The following CNTN4 variants were observed in gnomAD, a reference collection of about 807,000 sequenced individuals.
The protein encoded by CNTN4 is contactin 4.
CNTN4 carries 77 observed loss-of-function variants against 122.5 expected under a neutral mutation model. The observed-to-expected ratio is 0.63, with a 90% CI of 0.52 to 0.76. CNTN4 has a LOEUF of 0.76. CNTN4 is among the 30% of genes least tolerant of loss of function. The pLI, the probability that CNTN4 is intolerant of heterozygous loss-of-function variation, is 0.00. For missense variants in CNTN4, 1,256 were observed against 1,259.1 expected (o/e 1.00, Z 0.04); for synonymous variants, 512 against 447.0 (o/e 1.15, Z -1.83).
At chr3:2,879,843 T>G (rs1231592103) in intron 8 of CNTN4, among the ~76,000 whole-genome samples, 1 of 152,198 alleles carries the variant, frequency 6.6e-6, no homozygotes, top group African/African-American at 2.4e-5. Flanking sequence ...CTTTTTAGTA[T>G]GTAAATTATA....
chr3:2,166,936 A>G (rs1383179755), intron 2 of CNTN4, among the ~76,000 whole-genome samples: 1 of 152,214 alleles, frequency 6.6e-6, no homozygotes, highest in Admixed American at 6.5e-5. Context: ...AAAATTTGGA[A>G]GAAAGAAACG....
At chr3:2,139,956 GC>G (rs1317466492) in intron 2 of CNTN4, among the ~76,000 whole-genome samples, 1 of 152,216 alleles carries the variant, frequency 6.6e-6, no homozygotes, top group Non-Finnish European at 1.5e-5. Context: ...GTCATGGGGG[GC>G]ACCCAGTGGG....
chr3:2,171,197 A>G (rs918084591), intron 2 of CNTN4, among the ~76,000 whole-genome samples: 1 of 152,184 alleles, frequency 6.6e-6, no homozygotes, highest in Non-Finnish European at 1.5e-5. Context: ...CTAAATGTCC[A>G]CCAGGAAATG....
chr3:2,359,050 C>A (rs995929460), intron 3 of CNTN4, among the ~76,000 whole-genome samples: 1 of 152,124 alleles, frequency 6.6e-6, no homozygotes, highest in African/African-American at 2.4e-5. Context: ...TCATTCTGAG[C>A]CTTTTCGCCT....
At chr3:2,735,114 A>G (rs1365144071) in intron 4 of CNTN4, among the ~76,000 whole-genome samples, 5 of 152,232 alleles carry the variant, frequency 3.3e-5, no homozygotes. Context: ...TATAATCCAA[A>G]CAAGGGAAAA....
intron 6 of CNTN4, among the ~76,000 whole-genome samples, chr3:2,761,181 A>G (rs1038295723): frequency 2.0e-5 from 3 of 152,126 alleles, no homozygotes; most frequent in Non-Finnish European, 2.9e-5. Context: ...CGGTTTTTCT[A>G]TCTCTACCAG....
At chr3:3,001,629 C>G (rs1696057320) in intron 14 of CNTN4, among the ~76,000 whole-genome samples, 4 of 152,174 alleles carry the variant, frequency 2.6e-5, no homozygotes, top group Admixed American at 1.3e-4. Flanking sequence ...TCTTATAGCT[C>G]TAAATCACAT....
Position 2,603,843 on chromosome 3 carries a change from T to C in CNTN4, c.55+32285T>C, listed in dbSNP as rs187476351. 3.7e-3 allele frequency among the ~76,000 whole-genome samples: 560 copies of C among 152,328 alleles called. 1 individual carries two copies. Among genetic ancestry groups the C allele is most frequent in the African/African-American group, 0.013 (539 of 41,574 alleles). ...ATCAGCCAGGATATACAACATGGTG[T>C]AGTTGTGCTACAGTAGAAACCCTTT... On this transcript the variant is annotated intron_variant, in intron 4 of 24. Transcript: ENST00000418658.
In CNTN4 at chr3:2,634,847, C is replaced by T. The variant is rs1309168571; in HGVS notation, c.55+63289C>T. ...CTCCAGCCTGGGTGACAGAGTGAGACTCCATCTCAAAAAATAACAATAAAA... is the reference window on the plus strand; with the variant it reads ...CTCCAGCCTGGGTGACAGAGTGAGATTCCATCTCAAAAAATAACAATAAAA... On this transcript the variant is annotated intron_variant, in intron 4 of 24. Transcript: ENST00000418658. 2.6e-5 allele frequency among the ~76,000 whole-genome samples: 4 copies of T among 151,716 alleles called. No individual in the cohort carries two copies. In the East Asian group the frequency reaches 7.7e-4, roughly 29 times the overall value.
At chr3:2,400,983 C>T (rs1575555298) in intron 3 of CNTN4, among the ~76,000 whole-genome samples, 6 of 150,984 alleles carry the variant, frequency 4.0e-5, no homozygotes, top group Admixed American at 4.0e-4. Flanking sequence ...GAAATTAGCA[C>T]ATTACTTATT....
intron 2 of CNTN4, among the ~76,000 whole-genome samples, chr3:2,312,223 C>T (rs2042941709): frequency 6.6e-6 from 1 of 151,922 alleles, no homozygotes; most frequent in African/African-American, 2.4e-5. Context: ...AGTGGAATAC[C>T]AGTGGAAAGA....
rs114759610 is a variant in CNTN4 at position 2,240,825 on chromosome 3, A to G, written c.-144-98353A>G. On this transcript the variant is annotated intron_variant, in intron 2 of 24. Transcript: ENST00000418658. ...CCAGTGAGAATAAAATGTTCTTTGC[A>G]TATCTTATTTCTTTTCACAGGGAGT... Among the ~76,000 whole-genome samples the G allele has an allele frequency of 8.1e-3, 1,230 of 152,204 alleles. 24 individuals are homozygous for G. Among genetic ancestry groups the G allele is most frequent in the African/African-American group, 0.028 (1,162 of 41,550 alleles).
chr3:2,414,793 A>G (rs570647750), intron 3 of CNTN4, among the ~76,000 whole-genome samples: 8 of 152,322 alleles, frequency 5.3e-5, no homozygotes, highest in Admixed American at 1.3e-4. Context: ...AGCCACCATT[A>G]CATTAATACA....
intron 3 of CNTN4, among the ~76,000 whole-genome samples, chr3:2,469,965 A>G (rs1375283592): frequency 2.0e-5 from 3 of 152,214 alleles, no homozygotes; most frequent in Non-Finnish European, 2.9e-5. Context: ...CTTTTAAAGA[A>G]ATGGTTTTTT....
At chr3:2,565,217 C>T (rs987442846) in intron 3 of CNTN4, among the ~76,000 whole-genome samples, 12 of 152,112 alleles carry the variant, frequency 7.9e-5, no homozygotes, top group Admixed American at 7.9e-4. Flanking sequence ...CATCCAGGTC[C>T]CTTATGTCTT....
At chr3:2,322,526 G>C (rs1145048) in intron 2 of CNTN4, among the ~76,000 whole-genome samples, 137,023 of 152,074 alleles carry the variant, frequency 0.9, 62,232 homozygotes, top group East Asian at 1. Context: ...ATAGTGGTTA[G>C]CAGGGGCTGG....
chr3:2,899,564 T>C (rs1313348202), intron 10 of CNTN4, among the ~76,000 whole-genome samples: 4 of 152,188 alleles, frequency 2.6e-5, no homozygotes, highest in Admixed American at 6.5e-5. Context: ...GAGGCAAGAT[T>C]TGATATTTAT....
In CNTN4 at chr3:3,043,598, G is replaced by C; in HGVS notation, c.2705G>C (p.Ser902Thr). ...VNVTTRKPPP[S>T]QPPGNIIWNS... The stretch of plus-strand genomic sequence containing the variant: ...TATCTTAATTTTTTTATAGCACCAA[G>C]TCAACCCCCCGGAAACATCATATGG... Residue 902 changes from serine to threonine, a missense_variant, in exon 23 of 25, where the codon AGT (serine) becomes ACT (threonine). Transcript: ENST00000418658. The C allele has an allele frequency of 6.2e-7, 1 of 1,612,366 alleles. No individual in the cohort carries two copies. Among genetic ancestry groups the C allele is most frequent in the East Asian group, 2.2e-5 (1 of 44,858 alleles).
chr3:2,663,643 G>T (rs1163004654), intron 4 of CNTN4, among the ~76,000 whole-genome samples: 1 of 152,080 alleles, frequency 6.6e-6, no homozygotes, highest in African/African-American at 2.4e-5. Context: ...CCACACACCA[G>T]AATTTAAAGG....
Sources: gnomAD v4.1 joint callset for allele counts (sites outside exome capture counted in the v4.1 genomes callset) on GRCh38, gnomAD v4.1.1 for gene constraint, MANE v1.5 for transcripts, NCBI Gene and HGNC (gene_info 2026-07-23, HGNC 2026-07-21) for gene names.